The following SGCZ variants were observed in gnomAD, a reference collection of about 807,000 sequenced individuals.
SGCZ encodes sarcoglycan zeta.
Under a neutral mutation model 41.3 loss-of-function variants are expected in SGCZ, and 40 were observed. The ratio of observed to expected loss-of-function variants is 0.97; its 90% confidence interval spans 0.75 to 1.26. The LOEUF (loss-of-function observed/expected upper bound fraction) is 1.26, where lower values mean the gene tolerates loss of function less well. SGCZ is among the 50% of genes most tolerant of loss of function. The pLI, the probability that SGCZ is intolerant of heterozygous loss-of-function variation, is 0.00. For synonymous variants in SGCZ, 206 were observed against 137.5 expected (o/e 1.50, Z -3.49); for missense variants, 552 against 369.8 (o/e 1.49, Z -4.04).
At chr8:14,276,740 C>G (rs1306115098) in intron 3 of SGCZ, among the ~76,000 whole-genome samples, 1 of 152,094 alleles carries the variant, frequency 6.6e-6, no homozygotes, top group African/African-American at 2.4e-5. Context: ...TCTACGCCAC[C>G]ACTCTGCCTT....
At chr8:14,760,414 C>T (rs1184967361) in intron 1 of SGCZ, among the ~76,000 whole-genome samples, 1 of 152,148 alleles carries the variant, frequency 6.6e-6, no homozygotes, top group Non-Finnish European at 1.5e-5. Flanking sequence ...ATAAAAGTAT[C>T]CACCCTCTTT....
chr8:14,390,614 G>A (rs1804736811), intron 2 of SGCZ, among the ~76,000 whole-genome samples: 1 of 151,808 alleles, frequency 6.6e-6, no homozygotes, highest in East Asian at 1.9e-4. Context: ...AAACAGTATG[G>A]CATGTAGATT....
intron 1 of SGCZ, among the ~76,000 whole-genome samples, chr8:15,227,169 C>T (rs1801803702): frequency 6.6e-6 from 1 of 152,052 alleles, no homozygotes; most frequent in Non-Finnish European, 1.5e-5. Context: ...AAAGTAGAAA[C>T]CACATGAGTA....
chr8:15,236,088 T>C (rs1802109380), intron 1 of SGCZ, among the ~76,000 whole-genome samples: 1 of 152,144 alleles, frequency 6.6e-6, no homozygotes, highest in Admixed American at 6.5e-5. Flanking sequence ...AAACGAAGCA[T>C]CAAATCTGCC....
chr8:14,291,585 C>T (rs1441210533), intron 3 of SGCZ, among the ~76,000 whole-genome samples: 4 of 151,930 alleles, frequency 2.6e-5, no homozygotes, highest in African/African-American at 9.7e-5. Context: ...TTTCACCATT[C>T]TGGGTACTAG....
chr8:14,914,325 T>C (rs2130781563), intron 1 of SGCZ, among the ~76,000 whole-genome samples: 1 of 152,246 alleles, frequency 6.6e-6, no homozygotes. Context: ...ATTCACATTT[T>C]TGTATGTACA....
At chr8:14,461,641 G>C (rs909163081) in intron 2 of SGCZ, among the ~76,000 whole-genome samples, 1 of 152,086 alleles carries the variant, frequency 6.6e-6, no homozygotes, top group African/African-American at 2.4e-5. Context: ...GTTTTTCAGT[G>C]ACAGCCTGCT....
At chr8:14,414,737 T>C (rs1799450145) in intron 2 of SGCZ, among the ~76,000 whole-genome samples, 1 of 151,946 alleles carries the variant, frequency 6.6e-6, no homozygotes, top group South Asian at 2.1e-4. Context: ...AGGCTCTTTT[T>C]GGAAATGGGA....
At chr8:14,954,830 G>C (rs1800745361) in intron 1 of SGCZ, among the ~76,000 whole-genome samples, 1 of 152,154 alleles carries the variant, frequency 6.6e-6, no homozygotes, top group East Asian at 1.9e-4. Context: ...TTCCTGACCA[G>C]AGCAACTTGC....
At chr8:14,818,880 C>A (rs1337518846) in intron 1 of SGCZ, among the ~76,000 whole-genome samples, 1 of 151,418 alleles carries the variant, frequency 6.6e-6, no homozygotes, top group Non-Finnish European at 1.5e-5. Context: ...GTGATGGGGG[C>A]AAATAAAGAA....
chr8:15,116,131 T>G (rs2116939786), intron 1 of SGCZ, among the ~76,000 whole-genome samples: 1 of 152,322 alleles, frequency 6.6e-6, no homozygotes, highest in South Asian at 2.1e-4. Context: ...CAGCCATTAG[T>G]TTGCCTATCT....
rs1487405357 is a variant in SGCZ at position 14,944,135 on chromosome 8, C to T, written c.39+293450G>A. ...TTAGCCATCCTCTCCCCGCTTCATT[C>T]GAATCATATAGGCAGGGTGGGGCCT... On this transcript the variant is annotated intron_variant, in intron 1 of 7. Coordinates refer to ENST00000382080, the MANE Select transcript of SGCZ (RefSeq NM_139167.4). Among the ~76,000 whole-genome samples the T allele has an allele frequency of 3.9e-5, 6 of 152,110 alleles. No homozygotes were observed. In the South Asian group the frequency reaches 6.2e-4, roughly 16 times the overall value.
At chr8:14,281,483 C>G (rs962088865) in intron 3 of SGCZ, among the ~76,000 whole-genome samples, 1 of 151,828 alleles carries the variant, frequency 6.6e-6, no homozygotes, top group African/African-American at 2.4e-5. Flanking sequence ...CTTTGAGAAT[C>G]AGATGAAAAG....
At chr8:14,516,663 T>A (rs1253571042) in intron 2 of SGCZ, among the ~76,000 whole-genome samples, 2 of 152,074 alleles carry the variant, frequency 1.3e-5, no homozygotes, top group East Asian at 3.9e-4. Context: ...TCCCATAAAG[T>A]TGATTTGCTC....
intron 1 of SGCZ, among the ~76,000 whole-genome samples, chr8:14,909,487 C>T (rs931441209): frequency 3.3e-5 from 5 of 152,078 alleles, no homozygotes; most frequent in African/African-American, 9.6e-5. Flanking sequence ...AAGAGGTTAT[C>T]TTAAATTATC....
chr8:15,144,467 T>C (rs1798982770), intron 1 of SGCZ, among the ~76,000 whole-genome samples: 1 of 152,180 alleles, frequency 6.6e-6, no homozygotes. Context: ...CAGGTTGACA[T>C]TCACTTTTTT....
intron 1 of SGCZ, among the ~76,000 whole-genome samples, chr8:14,736,094 C>CT (rs1221271273): frequency 6.6e-6 from 1 of 152,130 alleles, no homozygotes; most frequent in Non-Finnish European, 1.5e-5. Flanking sequence ...AGATTATAGA[C>CT]TATCATACTT....
intron 1 of SGCZ, among the ~76,000 whole-genome samples, chr8:14,856,797 G>C (rs1014509899): frequency 2.6e-5 from 4 of 152,150 alleles, no homozygotes; most frequent in African/African-American, 9.7e-5. Context: ...CAACAGCAGG[G>C]AAAGAGGTTA....
At chr8:14,405,831 G>C (rs1191865468) in intron 2 of SGCZ, among the ~76,000 whole-genome samples, 1 of 151,976 alleles carries the variant, frequency 6.6e-6, no homozygotes. Flanking sequence ...GAACATTTCG[G>C]CATTATCATT....
Sources: allele counts gnomAD v4.1 joint callset (sites outside exome capture counted in the v4.1 genomes callset), GRCh38; gene constraint gnomAD v4.1.1; transcripts MANE v1.5; gene names NCBI Gene and HGNC (gene_info 2026-07-23, HGNC 2026-07-21).